The following AKIRIN2 variants were observed in gnomAD, a reference collection of about 807,000 sequenced individuals.
AKIRIN2 encodes the protein akirin-2.
AKIRIN2 carries 6 observed loss-of-function variants against 29.3 expected under a neutral mutation model. That is an observed-to-expected ratio of 0.20 (90% CI 0.11 to 0.40). The LOEUF (loss-of-function observed/expected upper bound fraction) is 0.40, where lower values mean the gene tolerates loss of function less well. Ranked by LOEUF, AKIRIN2 falls within the 10% of genes least tolerant of loss-of-function variation. The probability of loss-of-function intolerance (pLI) is 1.00; values close to 1 mark genes in which losing one functional copy is unlikely to be tolerated. For synonymous variants in AKIRIN2, 128 were observed against 117.5 expected (o/e 1.09, Z -0.58); for missense variants, 210 against 276.1 (o/e 0.76, Z 1.70).
intron 2 of AKIRIN2, among the ~76,000 whole-genome samples, 197 bp from the exon 3 acceptor site, chr6:87,678,164 C>T (rs1004499339): frequency 2.0e-5 from 3 of 152,040 alleles, no homozygotes; most frequent in African/African-American, 4.8e-5. Context: ...TGGAAAAACA[C>T]GGCAAGATGT....
chr6:87,693,708 G>C (rs1771314636), intron 1 of AKIRIN2, among the ~76,000 whole-genome samples: 1 of 141,392 alleles, frequency 7.1e-6, no homozygotes, highest in Non-Finnish European at 1.5e-5. Context: ...CTGGGCGACA[G>C]ACTGTGACTC....
rs1158161366 is a variant in AKIRIN2 at position 87,702,066 on chromosome 6, A to G, written c.-382T>C. 6 of 399,368 alleles carry G rather than the reference A, an allele frequency of 1.5e-5. No individual in the cohort carries two copies. The East Asian group carries it at 2.1e-4, about 14-fold the overall frequency. 24.7% of individuals were successfully genotyped at this position (399,368 alleles called of 1,614,324 possible). On this transcript the variant is annotated 5_prime_UTR_variant, in exon 1 of 5. Coordinates refer to ENST00000257787, the MANE Select transcript of AKIRIN2 (RefSeq NM_018064.4). ...TGTGCTGAGACTAGATCCTTTCTGA[A>G]GTCGAAAACAGCACCGTGGGGTGTG... is the stretch of plus-strand genomic sequence containing the variant.
At chr6:87,681,912 T>C (rs1158096609) in intron 1 of AKIRIN2, 149 bp from the exon 2 acceptor site, 1 of 671,280 alleles carries the variant, frequency 1.5e-6, no homozygotes, top group Admixed American at 3.4e-5. Context: ...GGAACTCATT[T>C]CAGCATAAAT....
At chr6:87,699,593 A>G (rs1450291804) in intron 1 of AKIRIN2, among the ~76,000 whole-genome samples, 1 of 143,144 alleles carries the variant, frequency 7.0e-6, no homozygotes, top group Non-Finnish European at 1.5e-5. Flanking sequence ...TGTGAATCTC[A>G]ATCAGCTGGC....
At chr6:87,686,353 T>C in intron 1 of AKIRIN2, among the ~76,000 whole-genome samples, 1 of 151,998 alleles carries the variant, frequency 6.6e-6, no homozygotes, top group Non-Finnish European at 1.5e-5. Flanking sequence ...ATAAAAAGCA[T>C]AATGGAATTG....
chr6:87,684,840 G>C (rs1435151511), intron 1 of AKIRIN2, among the ~76,000 whole-genome samples: 2 of 152,100 alleles, frequency 1.3e-5, no homozygotes, highest in Non-Finnish European at 2.9e-5. Context: ...CCAGTCTTTG[G>C]TGGACATGTT....
At chr6:87,693,711 T>C (rs2787924) in intron 1 of AKIRIN2, among the ~76,000 whole-genome samples, 93,247 of 148,116 alleles carry the variant, frequency 0.63, 30,582 homozygotes, top group African/African-American at 0.82. Flanking sequence ...GGCGACAGAC[T>C]GTGACTCTGT....
In AKIRIN2 at chr6:87,687,749, T is replaced by A. The variant is rs376103278; in HGVS notation, c.236-5986A>T. On this transcript the variant is annotated intron_variant, in intron 1 of 4. Transcript: ENST00000257787. ...GTAAGTTTTACACCTCCAGCTTATA[T>A]TACACTAAGGGGATACATTAACCTT... 3.3e-5 allele frequency among the ~76,000 whole-genome samples: 5 copies of A among 152,342 alleles called. No individual in the cohort carries two copies. In the South Asian group the frequency reaches 1.0e-3, roughly 32 times the overall value.
At chr6:87,680,903 G>T (rs1435506997) in intron 2 of AKIRIN2, among the ~76,000 whole-genome samples, 4 of 151,828 alleles carry the variant, frequency 2.6e-5, no homozygotes. Context: ...TAAGACAAGT[G>T]TGTGAGGCAG....
In AKIRIN2 at chr6:87,689,386, C is replaced by T. The variant is rs181409634; in HGVS notation, c.236-7623G>A. Reference sequence around the variant, plus strand: ...AGGCAAGGTGGTGCATGCCTGTAATCCCAATCGCTTAAACCTCGGAGGCAG... The same window carrying T: ...AGGCAAGGTGGTGCATGCCTGTAATTCCAATCGCTTAAACCTCGGAGGCAG... On this transcript the variant is annotated intron_variant, in intron 1 of 4. Transcript: ENST00000257787. Among the ~76,000 whole-genome samples the T allele has an allele frequency of 1.4e-3, 208 of 152,198 alleles. 1 individual carries two copies. Among genetic ancestry groups the T allele is most frequent in the Admixed American group, 9.8e-3 (150 of 15,286 alleles).
intron 1 of AKIRIN2, among the ~76,000 whole-genome samples, chr6:87,692,487 A>C (rs778057953): frequency 3.9e-5 from 6 of 152,336 alleles, no homozygotes; most frequent in Admixed American, 6.5e-5. Context: ...ACTACACTTA[A>C]TCAAAATTCT....
In AKIRIN2 at chr6:87,701,898, G is replaced by A. The variant is rs914844658; in HGVS notation, c.-214C>T. The A allele has an allele frequency of 4.8e-6, 2 of 413,206 alleles. No individual in the cohort carries two copies. The highest frequency in any genetic ancestry group is 8.5e-6 in the Non-Finnish European group (2 of 234,276). The allele number at this position is 413,206 out of a possible 1,614,324, so 25.6% of individuals were successfully genotyped here. On this transcript the variant is annotated 5_prime_UTR_variant, in exon 1 of 5. Transcript: ENST00000257787. ...CAGTGGCCAGGGACGGCCCGGGTGAGAGCGGGAGGGGCGGTGGCGGGCAGA... is the reference window on the plus strand; with the variant it reads ...CAGTGGCCAGGGACGGCCCGGGTGAAAGCGGGAGGGGCGGTGGCGGGCAGA...
intron 1 of AKIRIN2, among the ~76,000 whole-genome samples, chr6:87,691,732 C>G (rs1278780816): frequency 6.6e-6 from 1 of 152,120 alleles, no homozygotes; most frequent in Non-Finnish European, 1.5e-5. Context: ...AGGAGTGTGC[C>G]AGCAGGCAGA....
chr6:87,694,960 G>C (rs1293491584), intron 1 of AKIRIN2, among the ~76,000 whole-genome samples: 2 of 152,134 alleles, frequency 1.3e-5, no homozygotes, highest in Admixed American at 1.3e-4. Context: ...ATTACCTGCA[G>C]GGATTCCCTG....
intron 1 of AKIRIN2, among the ~76,000 whole-genome samples, chr6:87,696,099 G>A (rs1396041760): frequency 6.6e-6 from 1 of 152,116 alleles, no homozygotes. Context: ...GGGATCATTT[G>A]AGCCCAGGAG....
chr6:87,697,469 C>T (rs1771389245), intron 1 of AKIRIN2, among the ~76,000 whole-genome samples: 2 of 152,146 alleles, frequency 1.3e-5, no homozygotes, highest in African/African-American at 2.4e-5. Context: ...ACTCAAAGTA[C>T]AAAGACCATT....
chr6:87,686,959 T>C (rs1410499654), intron 1 of AKIRIN2, among the ~76,000 whole-genome samples: 1 of 150,138 alleles, frequency 6.7e-6, no homozygotes, highest in African/African-American at 2.5e-5. Context: ...AGCAGGAGAA[T>C]TGCTTGAACA....
intron 1 of AKIRIN2, among the ~76,000 whole-genome samples, chr6:87,691,721 A>G (rs1312786442): frequency 6.6e-6 from 1 of 152,210 alleles, no homozygotes; most frequent in Admixed American, 6.5e-5. Context: ...TTCAAAAAGA[A>G]AGGAGTGTGC....
intron 3 of AKIRIN2, among the ~76,000 whole-genome samples, chr6:87,676,596 A>AACACACGCACGCGTGCACACAC (rs1485678233): frequency 7.0e-6 from 1 of 142,046 alleles, no homozygotes; most frequent in African/African-American, 2.7e-5. Flanking sequence ...CTCTACTAAA[A>AACACACGCACGCGTGCACACAC]ACACACACAC....
Sources: gnomAD v4.1 joint callset for allele counts (sites outside exome capture counted in the v4.1 genomes callset) on GRCh38, gnomAD v4.1.1 for gene constraint, MANE v1.5 for transcripts, NCBI Gene and HGNC (gene_info 2026-07-23, HGNC 2026-07-21) for gene names.